ROR2: variants seen among roughly 807,000 people sequenced by gnomAD.
ROR2 encodes the protein tyrosine-protein kinase transmembrane receptor ROR2.
Under a neutral mutation model 74.9 loss-of-function variants are expected in ROR2, and 33 were observed. The observed-to-expected ratio is 0.44, with a 90% CI of 0.33 to 0.59. The LOEUF is 0.59. Ranked by LOEUF, ROR2 falls within the 20% of genes least tolerant of loss-of-function variation. The pLI is 0.02. For missense variants in ROR2, 1,216 were observed against 1,313.8 expected, an observed-to-expected ratio of 0.93 and a Z score of 1.15; for synonymous variants, 586 against 558.7, an observed-to-expected ratio of 1.05 and a Z score of -0.69.
At position 91,938,911 on chromosome 9, in the gene ROR2, G is replaced by C. The variant is rs962896028; in HGVS notation, c.97+10956C>G. Reference sequence around the variant, plus strand: ...CTGCAAATGGTGTTGCCAAGGAAGAGCATGAGTATTTCCTTAGAGTGGGCC... The same window carrying C: ...CTGCAAATGGTGTTGCCAAGGAAGACCATGAGTATTTCCTTAGAGTGGGCC... On this transcript the variant is annotated intron_variant, in intron 1 of 8. Coordinates refer to ENST00000375708, the MANE Select transcript of ROR2 (RefSeq NM_004560.4). 2.6e-5 allele frequency among the ~76,000 whole-genome samples: 4 copies of C among 152,342 alleles called. No individual in the cohort carries two copies. The South Asian group carries it at 8.3e-4, about 32-fold the overall frequency.
intron 1 of ROR2, among the ~76,000 whole-genome samples, chr9:91,850,733 A>ACTT: frequency 6.6e-6 from 1 of 152,220 alleles, no homozygotes; most frequent in Non-Finnish European, 1.5e-5. Context: ...ACTCGCAAAG[A>ACTT]TGAGTCTCTT....
chr9:91,837,911 G>GA (rs1160021840), intron 1 of ROR2, among the ~76,000 whole-genome samples: 1 of 151,946 alleles, frequency 6.6e-6, no homozygotes, highest in East Asian at 1.9e-4. Context: ...ACACATAAAA[G>GA]AAAAAAAATC....
rs1829133234 is a variant in ROR2, at chr9:91,852,624, A to ACACACACACACACACACACAC, written c.98-76807_98-76806insGTGTGTGTGTGTGTGTGTGTG. 1.0e-4 allele frequency among the ~76,000 whole-genome samples: 13 copies of ACACACACACACACACACACAC among 123,916 alleles called. No individual in the cohort carries two copies. In the East Asian group the frequency reaches 1.6e-3, roughly 15 times the overall value. 81.3% of individuals were successfully genotyped at this position (123,916 alleles called of 152,430 possible). On this transcript the variant is annotated intron_variant, in intron 1 of 8. Transcript: ENST00000375708. ...GTTACAAATAAATGGAAAACACACA[A>ACACACACACACACACACACAC]ACACACACACACACACACACACACA...
At chr9:91,737,876 C>G (rs562961098) in intron 4 of ROR2, among the ~76,000 whole-genome samples, 3 of 152,286 alleles carry the variant, frequency 2.0e-5, no homozygotes, top group East Asian at 3.9e-4. Flanking sequence ...AAGAGCCAAT[C>G]TGAAGGCTAC....
intron 1 of ROR2, among the ~76,000 whole-genome samples, chr9:91,782,604 AAACC>A (rs2118966131): frequency 6.8e-6 from 1 of 146,708 alleles, no homozygotes; most frequent in Admixed American, 6.8e-5. Context: ...AAAAAAAAAA[AAACC>A]CTCATAATGT....
At chr9:91,765,499 G>A (rs901694057) in intron 2 of ROR2, among the ~76,000 whole-genome samples, 1 of 152,196 alleles carries the variant, frequency 6.6e-6, no homozygotes, top group Non-Finnish European at 1.5e-5. Context: ...GACAGGCAGT[G>A]CCAAGTTTTA....
intron 1 of ROR2, among the ~76,000 whole-genome samples, chr9:91,837,570 G>A (rs1024047016): frequency 5.9e-5 from 9 of 152,202 alleles, no homozygotes; most frequent in Non-Finnish European, 1.2e-4. Context: ...CTACCCAAAG[G>A]TAAGCGATCT....
chr9:91,938,318 C>T (rs1362277419), intron 1 of ROR2, among the ~76,000 whole-genome samples: 1 of 151,970 alleles, frequency 6.6e-6, no homozygotes, highest in African/African-American at 2.4e-5. Flanking sequence ...TTTTAGTTAG[C>T]CAGATGTTGG....
chr9:91,724,030 T>C lies in ROR2; in HGVS notation c.2464A>G (p.Asn822Asp). The C allele has an allele frequency of 1.2e-6, 2 of 1,612,290 alleles. No individual in the cohort carries two copies. The highest frequency in any genetic ancestry group is 1.7e-6 in the Non-Finnish European group (2 of 1,179,856). ...TAGGCCGGCACCGGCTGGTAGCCGT[T>C]GACGGGGACGTAGAGCTGCGGCGGG... ...VPPPQLYVPVNGYQPVPAYGA... is the reference protein window; with the variant it reads ...VPPPQLYVPVDGYQPVPAYGA... The change falls in exon 9 of 9, where the codon AAC (asparagine) becomes GAC (aspartate). Residue 822 changes from asparagine (N) to aspartate (D), a missense_variant. Physicochemically the swap from Asn to Asp is conservative, Grantham distance 23. Transcript: ENST00000375708.
intron 1 of ROR2, among the ~76,000 whole-genome samples, chr9:91,915,609 G>A (rs1438058387): frequency 6.6e-6 from 1 of 152,096 alleles, no homozygotes; most frequent in Non-Finnish European, 1.5e-5. Context: ...AGCCATGGAA[G>A]GGAACCTGAG....
At chr9:91,879,403 T>C (rs917899109) in intron 1 of ROR2, among the ~76,000 whole-genome samples, 1 of 151,972 alleles carries the variant, frequency 6.6e-6, no homozygotes, top group South Asian at 2.1e-4. Flanking sequence ...TTATTTATTT[T>C]CTGAGTGGGA....
chr9:91,945,734 C>T (rs1159626021), intron 1 of ROR2, among the ~76,000 whole-genome samples: 1 of 152,132 alleles, frequency 6.6e-6, no homozygotes, highest in Non-Finnish European at 1.5e-5. Flanking sequence ...TTTGTAAAAG[C>T]TTTATGAAAA....
At chr9:91,867,806 C>A (rs79270828) in intron 1 of ROR2, among the ~76,000 whole-genome samples, 1,988 of 152,126 alleles carry the variant, frequency 0.013, 47 homozygotes, top group African/African-American at 0.044. Flanking sequence ...TCCAAGAGCA[C>A]TATAGAGGCT....
intron 1 of ROR2, among the ~76,000 whole-genome samples, chr9:91,818,022 C>T (rs1290913501): frequency 2.0e-5 from 3 of 152,160 alleles, no homozygotes; most frequent in Non-Finnish European, 4.4e-5. Flanking sequence ...GGGGCCAGAG[C>T]GGTGATCACA....
intron 1 of ROR2, among the ~76,000 whole-genome samples, chr9:91,888,448 TA>T (rs1287817677): frequency 2.0e-5 from 3 of 152,128 alleles, no homozygotes; most frequent in Non-Finnish European, 4.4e-5. Context: ...TGGACGCTGA[TA>T]CCCTCCTGCA....
intron 1 of ROR2, among the ~76,000 whole-genome samples, chr9:91,810,220 G>A (rs1435983454): frequency 2.6e-5 from 4 of 152,210 alleles, no homozygotes; most frequent in Non-Finnish European, 4.4e-5. Flanking sequence ...AAGTTCACCA[G>A]GGCTTGGCAT....
intron 1 of ROR2, among the ~76,000 whole-genome samples, chr9:91,945,853 G>A (rs938813200): frequency 1.3e-5 from 2 of 152,172 alleles, no homozygotes; most frequent in South Asian, 2.1e-4. Context: ...AAGCTGTCCC[G>A]CCCTCGTTTC....
At chr9:91,761,484 A>G (rs1293716228) in intron 2 of ROR2, among the ~76,000 whole-genome samples, 4 of 152,198 alleles carry the variant, frequency 2.6e-5, no homozygotes, top group Non-Finnish European at 5.9e-5. Context: ...CGCACACCCT[A>G]GATCCCTCAG....
chr9:91,877,139 C>T (rs62565675), intron 1 of ROR2, among the ~76,000 whole-genome samples: 65,947 of 151,912 alleles, frequency 0.43, 15,975 homozygotes, highest in African/African-American at 0.64. Flanking sequence ...AAGAACATGA[C>T]GTGCAACTGA....
Sources: allele counts gnomAD v4.1 joint callset (sites outside exome capture counted in the v4.1 genomes callset), GRCh38; gene constraint gnomAD v4.1.1; transcripts MANE v1.5; gene names NCBI Gene and HGNC (gene_info 2026-07-23, HGNC 2026-07-21).